Variants in TMEM184B observed in about 807,000 individuals in gnomAD.
TMEM184B encodes putative MAPK-activating protein FM08.
TMEM184B carries 17 observed loss-of-function variants against 41.8 expected under a neutral mutation model. The ratio of observed to expected loss-of-function variants is 0.41; its 90% CI spans 0.28 to 0.61. The LOEUF (loss-of-function observed/expected upper bound fraction) is 0.61. Ranked by LOEUF, TMEM184B falls within the 20% of genes least tolerant of loss-of-function variation. The pLI, the probability that TMEM184B is intolerant of heterozygous loss-of-function variation, is 0.34. For synonymous variants in TMEM184B, 240 were observed against 229.5 expected (o/e 1.05, Z -0.41); for missense variants, 393 against 557.8 (o/e 0.70, Z 2.98).
chr22:38,230,628 C>T (rs2091588089), intron 5 of TMEM184B, 41 bp downstream of exon 5: 2 of 1,585,296 alleles, frequency 1.3e-6, no homozygotes, highest in South Asian at 1.1e-5. Flanking sequence ...CCAGACCCCG[C>T]CCTGCTCCTC....
chr22:38,255,744 G>C (rs537281230), intron 1 of TMEM184B, among the ~76,000 whole-genome samples: 1 of 152,324 alleles, frequency 6.6e-6, no homozygotes, highest in South Asian at 2.1e-4. Context: ...ATGGATCTCA[G>C]GGGTGTTACA....
chr22:38,240,313 G>C (rs2091875748), intron 3 of TMEM184B, among the ~76,000 whole-genome samples: 1 of 151,984 alleles, frequency 6.6e-6, no homozygotes, highest in African/African-American at 2.4e-5. Context: ...AAAAAGAATG[G>C]AGAGAGCTAC....
rs5750575 is a variant in TMEM184B, at chr22:38,268,556, G to A, written c.-59+4328C>T. On this transcript the variant is annotated intron_variant, in intron 1 of 8. Coordinates refer to ENST00000361906, the MANE Select transcript of TMEM184B (RefSeq NM_012264.5). The stretch of plus-strand genomic sequence containing the variant: ...GCCGCCTCCCACTCTACCTCTTCCC[G>A]TTTCTGTCCTCTCTGAGGCTGAGGA... Among the ~76,000 whole-genome samples, 179 of 152,036 alleles carry A rather than the reference G, an allele frequency of 1.2e-3. 1 individual carries two copies. The East Asian group carries it at 0.027, about 23-fold the overall frequency.
chr22:38,267,768 T>G (rs912469304), intron 1 of TMEM184B, among the ~76,000 whole-genome samples: 1 of 151,632 alleles, frequency 6.6e-6, no homozygotes, highest in Non-Finnish European at 1.5e-5. Context: ...TATAGCTTTA[T>G]CCTGAGTGGC....
intron 3 of TMEM184B, among the ~76,000 whole-genome samples, chr22:38,245,276 A>C (rs73884671): frequency 0.048 from 7,300 of 151,788 alleles, 589 homozygotes; most frequent in African/African-American, 0.17. Context: ...AGACGCCAGC[A>C]TTGAGAAGCG....
intron 1 of TMEM184B, among the ~76,000 whole-genome samples, chr22:38,257,443 G>T (rs182520841): frequency 5.3e-5 from 8 of 152,212 alleles, no homozygotes; most frequent in Non-Finnish European, 2.9e-5. Context: ...CGTCTGCTCC[G>T]TGTGCAGCTT....
At chr22:38,268,002 C>A (rs2092468333) in intron 1 of TMEM184B, among the ~76,000 whole-genome samples, 1 of 152,194 alleles carries the variant, frequency 6.6e-6, no homozygotes, top group African/African-American at 2.4e-5. Flanking sequence ...GGGTGTCCGC[C>A]TAATTCCAGC....
intron 1 of TMEM184B, among the ~76,000 whole-genome samples, chr22:38,255,303 C>T (rs1056584204): frequency 1.1e-4 from 16 of 152,104 alleles, no homozygotes; most frequent in Non-Finnish European, 2.2e-4. Flanking sequence ...GGATTACAGG[C>T]GTGAGCCACC....
intron 1 of TMEM184B, among the ~76,000 whole-genome samples, chr22:38,272,066 G>A (rs973647703): frequency 2.0e-5 from 3 of 152,184 alleles, no homozygotes; most frequent in Admixed American, 6.5e-5. Context: ...ACAGGTATCA[G>A]GCATGCAAAT....
At chr22:38,227,846 C>A (rs1806823757) in intron 5 of TMEM184B, among the ~76,000 whole-genome samples, 2 of 152,184 alleles carry the variant, frequency 1.3e-5, no homozygotes, top group South Asian at 4.1e-4. Flanking sequence ...GGAAAGAGTT[C>A]CTCAGCCAGG....
Position 38,226,706 on chromosome 22 carries a change from C to T in TMEM184B, c.617+73G>A, listed in dbSNP as rs1440379585. 2.1e-6 allele frequency: 3 copies of T among 1,461,214 alleles called. No individual in the cohort carries two copies. The African/African-American group carries it at 4.2e-5, about 20-fold the overall frequency. The allele number at this position is 1,461,214 out of a possible 1,614,324, so 90.5% of individuals were successfully genotyped here. A position where few individuals can be genotyped will look rare whatever the true frequency, so the allele number is the denominator to read the frequency against. ...TGGCTGTGCGGCCACTCTGGCTGCCCCCTTCCCTGAGCCAAGGCACCAGCC... is the reference window on the plus strand; with the variant it reads ...TGGCTGTGCGGCCACTCTGGCTGCCTCCTTCCCTGAGCCAAGGCACCAGCC... On this transcript the variant is annotated intron_variant, in intron 6 of 8. Coordinates refer to ENST00000361906, the MANE Select transcript of TMEM184B (RefSeq NM_012264.5). This position sits in a 1 kb window ranked among gnomAD's most constrained non-coding sequence, Gnocchi z 4.6.
At position 38,219,803 on chromosome 22, in the gene TMEM184B, G is replaced by C. The variant is rs1569005045; in HGVS notation, c.*1666C>G. On this transcript the variant is annotated 3_prime_UTR_variant, in exon 9 of 9. Coordinates refer to ENST00000361906, the MANE Select transcript of TMEM184B (RefSeq NM_012264.5). ...CAGGGCCAGGGCTGGTCCTCAGCCT[G>C]TGTCTGCACCCACCCTCCCGGGCAG... The C allele has an allele frequency of 3.0e-6, 3 of 985,476 alleles. No homozygotes were observed. Among genetic ancestry groups the C allele is most frequent in the African/African-American group, 1.7e-5 (1 of 57,366 alleles). The allele number at this position is 985,476 out of a possible 1,614,324, so 61.0% of individuals were successfully genotyped here.
At chr22:38,235,449 G>C (rs568244015) in intron 3 of TMEM184B, among the ~76,000 whole-genome samples, 1 of 152,158 alleles carries the variant, frequency 6.6e-6, no homozygotes, top group African/African-American at 2.4e-5. Flanking sequence ...TTACGTGGCC[G>C]AGGTCCCTCC....
Position 38,219,684 on chromosome 22 carries a change from G to A in TMEM184B, c.*1785C>T, listed in dbSNP as rs781438433. The A allele has an allele frequency of 5.4e-5, 53 of 985,540 alleles. No individual in the cohort carries two copies. The highest frequency in any genetic ancestry group is 5.2e-4 in the Middle Eastern group (1 of 1,916). The allele number at this position is 985,540 out of a possible 1,614,324, so 61.0% of individuals were successfully genotyped here. A position where few individuals can be genotyped will look rare whatever the true frequency, so the allele number is the denominator to read the frequency against. On this transcript the variant is annotated 3_prime_UTR_variant, in exon 9 of 9. Transcript: ENST00000361906. ...ACGCAAACAGCAACGCTGGGCAGGC[G>A]AAAACCAAGGGAGTGGGAATCAGCA...
At position 38,266,854 on chromosome 22, in the gene TMEM184B, C is replaced by A. The variant is rs549092014; in HGVS notation, c.-59+6030G>T. ...ATCCCAGCACTTTGGGAGGCCGAGG[C>A]GGGTGGATCAAGAGGTCAGAAGATC... is the stretch of plus-strand genomic sequence containing the variant. On this transcript the variant is annotated intron_variant, in intron 1 of 8. Transcript: ENST00000361906. Among the ~76,000 whole-genome samples the A allele has an allele frequency of 5.0e-4, 76 of 152,244 alleles. 2 individuals are homozygous for A. The highest frequency in any genetic ancestry group is 1.7e-3 in the African/African-American group (71 of 41,534).
intron 1 of TMEM184B, among the ~76,000 whole-genome samples, chr22:38,258,575 T>C (rs977405074): frequency 2.0e-5 from 3 of 152,096 alleles, no homozygotes; most frequent in Non-Finnish European, 2.9e-5. Context: ...TCTGGGATTA[T>C]AGGCATGAGC....
chr22:38,246,942 G>A, intron 2 of TMEM184B: 5 of 1,184,224 alleles, frequency 4.2e-6, no homozygotes, highest in East Asian at 5.8e-5. Flanking sequence ...AGCCTTGGAC[G>A]CAAATGGGTT....
At chr22:38,217,442 C>T (rs1176286159), downstream of TMEM184B, among the ~76,000 whole-genome samples, 1 of 133,320 alleles carries the variant, frequency 7.5e-6, no homozygotes, top group Non-Finnish European at 1.6e-5. Flanking sequence ...AGATCGAGAC[C>T]ATCCTGGCTA....
At chr22:38,248,826 G>A (rs1164947593) in intron 1 of TMEM184B, among the ~76,000 whole-genome samples, 1 of 152,164 alleles carries the variant, frequency 6.6e-6, no homozygotes, top group Non-Finnish European at 1.5e-5. Flanking sequence ...CCACTTTACT[G>A]CTGAGGCCTC....
Sources: gnomAD v4.1 joint callset for allele counts (sites outside exome capture counted in the v4.1 genomes callset) on GRCh38, gnomAD v4.1.1 for gene constraint, Gnocchi (gnomAD v3.1) non-coding constraint, MANE v1.5 for transcripts, NCBI Gene and HGNC (gene_info 2026-07-23, HGNC 2026-07-21) for gene names.